Variants in XPO4 observed in about 807,000 individuals in gnomAD.
XPO4 encodes exportin-4.
XPO4 carries 39 observed loss-of-function variants against 143.0 expected under a neutral mutation model. That is an observed-to-expected ratio of 0.27 (90% confidence interval 0.21 to 0.36). The LOEUF (loss-of-function observed/expected upper bound fraction) is 0.36. Among genes scored for constraint, XPO4 ranks in the 10% least tolerant of loss-of-function variants. The pLI is 1.00. For synonymous variants in XPO4, 439 were observed against 474.0 expected (o/e 0.93, Z 0.96); for missense variants, 907 against 1,348.0 (o/e 0.67, Z 5.12).
chr13:20,902,331 G>A (rs1443468602), intron 1 of XPO4: 1 of 985,238 alleles, frequency 1.0e-6, no homozygotes, highest in Non-Finnish European at 1.2e-6. Flanking sequence ...GAAGCCCTGC[G>A]GGGATAACCC....
At chr13:20,901,901 C>T (rs1161093597) in intron 1 of XPO4, among the ~76,000 whole-genome samples, 3 of 152,200 alleles carry the variant, frequency 2.0e-5, no homozygotes, top group Non-Finnish European at 4.4e-5. Context: ...ACTAACTGAA[C>T]GTAGTTTATC....
At chr13:20,859,501 G>T (rs1305946503) in intron 3 of XPO4, among the ~76,000 whole-genome samples, 1 of 152,208 alleles carries the variant, frequency 6.6e-6, no homozygotes, top group Non-Finnish European at 1.5e-5. Context: ...TCGGGAGGCT[G>T]AGGCAGGAGA....
chr13:20,816,926 CT>C (rs1365058418), intron 9 of XPO4, among the ~76,000 whole-genome samples: 2 of 152,160 alleles, frequency 1.3e-5, no homozygotes, highest in Non-Finnish European at 2.9e-5. Flanking sequence ...AATGTGCAAG[CT>C]TTAAAAAATA....
At chr13:20,801,101 C>G in intron 13 of XPO4, 111 bp from the exon 14 acceptor site, 1 of 1,224,676 alleles carries the variant, frequency 8.2e-7, no homozygotes, top group Non-Finnish European at 1.1e-6. Context: ...GGATTTAGGT[C>G]AGGCTATACT....
At chr13:20,855,162 T>C (rs1024929419) in intron 4 of XPO4, among the ~76,000 whole-genome samples, 1 of 152,028 alleles carries the variant, frequency 6.6e-6, no homozygotes, top group Non-Finnish European at 1.5e-5. Context: ...ACATATATAT[T>C]TAAAAAGACT....
intron 1 of XPO4, among the ~76,000 whole-genome samples, chr13:20,873,001 T>C (rs551202638): frequency 6.6e-6 from 1 of 150,956 alleles, no homozygotes; most frequent in African/African-American, 2.4e-5. Context: ...CAGTAAAAGC[T>C]TAAAAAGGCT....
chr13:20,819,711 G>A (rs1174308524), intron 9 of XPO4, among the ~76,000 whole-genome samples: 5 of 152,022 alleles, frequency 3.3e-5, no homozygotes, highest in African/African-American at 7.3e-5. Context: ...GGACAACTAC[G>A]TATTATGTAC....
At chr13:20,856,486 C>G in intron 3 of XPO4, 1 of 417,102 alleles carries the variant, frequency 2.4e-6, no homozygotes, top group Non-Finnish European at 3.2e-6. Flanking sequence ...GATCAGAAAA[C>G]ATAATCCCAA....
intron 1 of XPO4, among the ~76,000 whole-genome samples, chr13:20,875,899 T>A (rs932112466): frequency 2.6e-5 from 4 of 152,184 alleles, no homozygotes; most frequent in Non-Finnish European, 5.9e-5. Flanking sequence ...ATAGGGTTTA[T>A]ATGACAAGAT....
At chr13:20,888,633 A>G (rs868072641) in intron 1 of XPO4, among the ~76,000 whole-genome samples, 32 of 152,250 alleles carry the variant, frequency 2.1e-4, no homozygotes, top group African/African-American at 5.5e-4. Flanking sequence ...CTGCGATTAC[A>G]AGCATGAGCC....
chr13:20,897,021 T>C (rs1216914753), intron 1 of XPO4, among the ~76,000 whole-genome samples: 1 of 152,224 alleles, frequency 6.6e-6, no homozygotes, highest in Non-Finnish European at 1.5e-5. Context: ...CAAATACACA[T>C]TTAATTGAAC....
chr13:20,859,196 C>A (rs931961000), intron 3 of XPO4, among the ~76,000 whole-genome samples: 2 of 151,394 alleles, frequency 1.3e-5, no homozygotes, highest in Non-Finnish European at 2.9e-5. Context: ...AGGCTGGGCA[C>A]GGTGGCTCAC....
intron 6 of XPO4, among the ~76,000 whole-genome samples, chr13:20,832,775 G>C (rs1272475724): frequency 1.3e-5 from 2 of 152,128 alleles, no homozygotes; most frequent in Non-Finnish European, 2.9e-5. Flanking sequence ...TGAAATACAT[G>C]AGTGACCTTA....
At chr13:20,861,136 T>C (rs2060193459) in intron 3 of XPO4, among the ~76,000 whole-genome samples, 1 of 152,166 alleles carries the variant, frequency 6.6e-6, no homozygotes, top group Admixed American at 6.5e-5. Context: ...AACAAAATTT[T>C]TTCTTTAATG....
At chr13:20,855,942 T>A (rs1374458339) in intron 3 of XPO4, among the ~76,000 whole-genome samples, 177 bp from the exon 4 acceptor site, 1 of 152,172 alleles carries the variant, frequency 6.6e-6, no homozygotes, top group African/African-American at 2.4e-5. Flanking sequence ...CCAGGCTCCA[T>A]TGTGGACGGG....
intron 1 of XPO4, among the ~76,000 whole-genome samples, chr13:20,885,955 G>T (rs556560905): frequency 4.5e-4 from 68 of 152,218 alleles, no homozygotes; most frequent in African/African-American, 1.3e-3. Context: ...AACTACAATG[G>T]CATGCAATAC....
chr13:20,868,528 ATG>A, intron 2 of XPO4, 66 bp downstream of exon 2: 1 of 1,525,954 alleles, frequency 6.6e-7, no homozygotes, highest in Non-Finnish European at 8.7e-7. Flanking sequence ...AAAATAGCTA[ATG>A]TTTAAGACAG....
intron 3 of XPO4, chr13:20,859,917 T>C: frequency 3.2e-6 from 3 of 928,432 alleles, no homozygotes; most frequent in Non-Finnish European, 2.6e-6. Flanking sequence ...CAGAGTTCAG[T>C]GGTTCTCAGG....
chr13:20,873,100 T>TTAAA (rs750445870), intron 1 of XPO4, among the ~76,000 whole-genome samples: 1 of 49,770 alleles, frequency 2.0e-5, no homozygotes, highest in East Asian at 2.5e-3. Context: ...CCAAGGATCT[T>TTAAA]CAAAAAAAAA....
Sources: allele counts gnomAD v4.1 joint callset (sites outside exome capture counted in the v4.1 genomes callset), GRCh38; gene constraint gnomAD v4.1.1; transcripts MANE v1.5; gene names NCBI Gene and HGNC (gene_info 2026-07-23, HGNC 2026-07-21).